The following TMEM161B variants were observed in gnomAD, a reference collection of about 807,000 sequenced individuals.
TMEM161B encodes the protein transmembrane protein 161B.
Under a neutral mutation model 61.8 loss-of-function variants are expected in TMEM161B, and 34 were observed. The ratio of observed to expected loss-of-function variants is 0.55; its 90% CI spans 0.42 to 0.73. TMEM161B has a LOEUF of 0.73. TMEM161B is among the 30% of genes least tolerant of loss of function. The pLI is 0.00. For missense variants in TMEM161B, 456 were observed against 558.5 expected (o/e 0.82, Z 1.85); for synonymous variants, 167 against 192.8 (o/e 0.87, Z 1.11).
chr5:88,266,594 C>A (rs1756408843), intron 1 of TMEM161B, among the ~76,000 whole-genome samples: 1 of 152,140 alleles, frequency 6.6e-6, no homozygotes, highest in African/African-American at 2.4e-5. Context: ...TTTCCAAATC[C>A]ATATAACTAA....
rs555154568 is a variant in TMEM161B, at chr5:88,241,075, C to T, written c.4-159G>A. ...CCCTCCATATCTGCAGGCTCCACAACTGCAGATCAAAAATATGCAGGAAAA... is the reference window on the plus strand; with the variant it reads ...CCCTCCATATCTGCAGGCTCCACAATTGCAGATCAAAAATATGCAGGAAAA... On this transcript the variant is annotated intron_variant, in intron 1 of 11. Coordinates refer to ENST00000296595, the MANE Select transcript of TMEM161B (RefSeq NM_153354.5). 3.3e-4 allele frequency among the ~76,000 whole-genome samples: 50 copies of T among 151,770 alleles called. No homozygotes were observed. The South Asian group carries it at 7.3e-3, about 22-fold the overall frequency.
At chr5:88,204,560 T>C (rs1745071496) in intron 8 of TMEM161B, among the ~76,000 whole-genome samples, 1 of 152,078 alleles carries the variant, frequency 6.6e-6, no homozygotes, top group East Asian at 1.9e-4. Flanking sequence ...CCCACAGCGG[T>C]TTCAGTAGCT....
chr5:88,208,509 G>A (rs1256761119), intron 5 of TMEM161B, among the ~76,000 whole-genome samples: 2 of 152,094 alleles, frequency 1.3e-5, no homozygotes, highest in African/African-American at 4.8e-5. Flanking sequence ...GGGCATGGTG[G>A]CACACGCCTG....
chr5:88,220,759 A>T, intron 4 of TMEM161B, 40 bp from the exon 5 acceptor site: 1 of 1,507,516 alleles, frequency 6.6e-7, no homozygotes, highest in East Asian at 2.4e-5. Flanking sequence ...AAAGGTCAAA[A>T]AAAACAGTTT....
chr5:88,217,642 A>T (rs1435090912), intron 5 of TMEM161B, among the ~76,000 whole-genome samples: 1 of 152,182 alleles, frequency 6.6e-6, no homozygotes. Flanking sequence ...AGTACTTTTT[A>T]AAAGTAACCA....
At chr5:88,232,071 G>C (rs1272209791) in intron 2 of TMEM161B, among the ~76,000 whole-genome samples, 1 of 151,938 alleles carries the variant, frequency 6.6e-6, no homozygotes, top group African/African-American at 2.4e-5. Context: ...ACGAATACTA[G>C]ACACTACCTT....
chr5:88,190,133 A>G (rs1052908956), downstream of TMEM161B: 4 of 700,980 alleles, frequency 5.7e-6, no homozygotes, highest in Admixed American at 4.0e-5. Flanking sequence ...AGGTACACAC[A>G]AGAACTAGTA....
intron 5 of TMEM161B, among the ~76,000 whole-genome samples, chr5:88,217,173 T>C (rs1203436943): frequency 6.6e-6 from 1 of 152,144 alleles, no homozygotes; most frequent in Non-Finnish European, 1.5e-5. Context: ...GGGAGAAACA[T>C]TTGAGCTCAG....
At chr5:88,266,031 T>C (rs1221108091) in intron 1 of TMEM161B, among the ~76,000 whole-genome samples, 1 of 152,248 alleles carries the variant, frequency 6.6e-6, no homozygotes, top group South Asian at 2.1e-4. Context: ...TTTATTCCAT[T>C]AGTAAATTTC....
intron 2 of TMEM161B, among the ~76,000 whole-genome samples, chr5:88,239,951 G>C (rs1162020691): frequency 6.6e-6 from 1 of 151,954 alleles, no homozygotes. Flanking sequence ...ATGAACAATT[G>C]AAATAAATAG....
At chr5:88,198,875 A>C in intron 10 of TMEM161B, 101 bp downstream of exon 10, 1 of 967,476 alleles carries the variant, frequency 1.0e-6, no homozygotes, top group Non-Finnish European at 1.5e-6. Flanking sequence ...TAATAAGAAT[A>C]TGATGGGTTG....
intron 2 of TMEM161B, among the ~76,000 whole-genome samples, 189 bp downstream of exon 2, chr5:88,240,624 T>A (rs1470048325): frequency 4.6e-5 from 7 of 151,172 alleles, no homozygotes; most frequent in Admixed American, 1.3e-4. Flanking sequence ...AGTTGAAGAA[T>A]AGCCTGGGCA....
intron 5 of TMEM161B, among the ~76,000 whole-genome samples, chr5:88,213,371 A>C (rs780141396): frequency 6.6e-6 from 1 of 152,082 alleles, no homozygotes; most frequent in Non-Finnish European, 1.5e-5. Context: ...TTAGATATGC[A>C]GTTTCCATTA....
intron 1 of TMEM161B, among the ~76,000 whole-genome samples, chr5:88,243,877 G>A (rs1753160327): frequency 6.6e-6 from 1 of 151,762 alleles, no homozygotes. Flanking sequence ...ATGTTTGTTG[G>A]CCACATAAAT....
rs760637396 is a variant in TMEM161B, at chr5:88,198,997, G to A, written c.1068C>T (p.Ser356=). Residue 356 remains serine (S), a synonymous_variant, in exon 10 of 12, where the codon AGC becomes AGT. Coordinates refer to ENST00000296595, the MANE Select transcript of TMEM161B (RefSeq NM_153354.5). ...DQMKKEAGRI[S]TVELQKMVAR... Reference sequence around the variant, plus strand: ...TTACCATTTTCTGTAGCTCAACCGTGCTTATTCGCCCCGCTTCTTTCTTCA... The same window carrying A: ...TTACCATTTTCTGTAGCTCAACCGTACTTATTCGCCCCGCTTCTTTCTTCA... 6 of 1,611,768 alleles carry A rather than the reference G, an allele frequency of 3.7e-6. No homozygotes were observed. The Admixed American group carries it at 8.4e-5, about 22-fold the overall frequency.
chr5:88,193,453 G>A (rs357507), downstream of TMEM161B, among the ~76,000 whole-genome samples: 127,331 of 152,088 alleles, frequency 0.84, 53,458 homozygotes, highest in Non-Finnish European at 0.88. Context: ...TTTTGTATTT[G>A]AAGAACATAA....
At chr5:88,229,237 T>C (rs1030228163) in intron 2 of TMEM161B, among the ~76,000 whole-genome samples, 3 of 152,188 alleles carry the variant, frequency 2.0e-5, no homozygotes, top group African/African-American at 7.2e-5. Flanking sequence ...ATCCCAACTA[T>C]CTACAAATCA....
chr5:88,214,059 C>A (rs1747369662), intron 5 of TMEM161B, among the ~76,000 whole-genome samples: 1 of 152,126 alleles, frequency 6.6e-6, no homozygotes, highest in Non-Finnish European at 1.5e-5. Flanking sequence ...TTATTTCCCA[C>A]AGCAAATAAA....
At chr5:88,190,063 C>T (rs1339735305), downstream of TMEM161B, 1 of 700,612 alleles carries the variant, frequency 1.4e-6, no homozygotes, top group Non-Finnish European at 2.6e-6. Context: ...CAAAGAAGCA[C>T]ATGGGTTATT....
Sources: gnomAD v4.1 joint callset for allele counts (sites outside exome capture counted in the v4.1 genomes callset) on GRCh38, gnomAD v4.1.1 for gene constraint, MANE v1.5 for transcripts, NCBI Gene and HGNC (gene_info 2026-07-23, HGNC 2026-07-21) for gene names.